RREB1: variants seen among roughly 807,000 people sequenced by gnomAD.
RREB1 encodes the protein ras responsive element binding protein 1, also known as ras-responsive element-binding protein 1.
Under a neutral mutation model 117.8 loss-of-function variants are expected in RREB1, and 27 were observed. The ratio of observed to expected loss-of-function variants is 0.23; its 90% CI spans 0.17 to 0.32. RREB1 has a LOEUF of 0.32. Ranked by LOEUF, RREB1 falls within the 10% of genes least tolerant of loss-of-function variation. The pLI, the probability that RREB1 is intolerant of heterozygous loss-of-function variation, is 1.00. For synonymous variants in RREB1, 1,298 were observed against 1,026.7 expected (o/e 1.26, Z -5.05); for missense variants, 2,577 against 2,378.2 (o/e 1.08, Z -1.74).
At chr6:7,141,231 G>C (rs1373467960) in intron 1 of RREB1, among the ~76,000 whole-genome samples, 1 of 152,132 alleles carries the variant, frequency 6.6e-6, no homozygotes, top group African/African-American at 2.4e-5. Context: ...GGGCTGGCGG[G>C]GGCCGGGCGG....
Position 7,247,047 on chromosome 6 carries a change from G to A in RREB1, c.4597G>A (p.Glu1533Lys), listed in dbSNP as rs1216910911. 4.3e-6 allele frequency: 7 copies of A among 1,613,196 alleles called. No individual in the cohort carries two copies. Among genetic ancestry groups the A allele is most frequent in the African/African-American group, 1.3e-5 (1 of 74,910 alleles). ...AEETEGPSDG[E>K]SAAEKRSSEK... ...GGAGACGGAGGGCCCCTCCGACGGG[G>A]AGAGCGCGGCCGAGAAAAGGTCCTC... Residue 1533 changes from glutamate (E) to lysine (K), a missense_variant, in exon 12 of 13, where the codon GAG becomes AAG. Coordinates refer to ENST00000379938, the MANE Select transcript of RREB1 (RefSeq NM_001003699.4).
intron 1 of RREB1, among the ~76,000 whole-genome samples, chr6:7,124,720 G>T (rs571395585): frequency 3.2e-4 from 49 of 152,174 alleles, no homozygotes; most frequent in Non-Finnish European, 6.5e-4. Context: ...AACATTTATT[G>T]AGCCTGTACT....
chr6:7,199,224 C>T (rs1297495343), intron 6 of RREB1, among the ~76,000 whole-genome samples: 1 of 152,170 alleles, frequency 6.6e-6, no homozygotes, highest in Non-Finnish European at 1.5e-5. Flanking sequence ...GGTCAAGAGC[C>T]TCAATTTCTT....
chr6:7,160,583 C>T (rs1473101001), intron 1 of RREB1, among the ~76,000 whole-genome samples: 1 of 152,164 alleles, frequency 6.6e-6, no homozygotes, highest in African/African-American at 2.4e-5. Context: ...GATCACCGCT[C>T]ACTGCAGCCT....
At chr6:7,149,968 C>T (rs551220067) in intron 1 of RREB1, among the ~76,000 whole-genome samples, 17 of 150,340 alleles carry the variant, frequency 1.1e-4, no homozygotes, top group African/African-American at 4.1e-4. Context: ...GGATTATAGG[C>T]GTGGGCCACT....
intron 8 of RREB1, chr6:7,217,322 C>G (rs1581552854): frequency 6.6e-6 from 1 of 152,266 alleles, no homozygotes; most frequent in Admixed American, 6.5e-5. Context: ...CATTAAAACA[C>G]AATAATGAGG....
chr6:7,245,787 A>T (rs1266225355), intron 11 of RREB1, among the ~76,000 whole-genome samples: 1 of 152,106 alleles, frequency 6.6e-6, no homozygotes, highest in Non-Finnish European at 1.5e-5. Context: ...CCTTCCTTTG[A>T]AAGATTCCAC....
At chr6:7,176,064 A>C (rs1041021867) in intron 1 of RREB1, among the ~76,000 whole-genome samples, 5 of 152,104 alleles carry the variant, frequency 3.3e-5, no homozygotes, top group Admixed American at 2.0e-4. Flanking sequence ...CTACAGGCGC[A>C]TGCCACCACA....
chr6:7,144,479 CATG>C (rs1762770633), intron 1 of RREB1, among the ~76,000 whole-genome samples: 1 of 152,212 alleles, frequency 6.6e-6, no homozygotes, highest in African/African-American at 2.4e-5. Context: ...GCTCTTGAAA[CATG>C]GTCTTATCCA....
intron 8 of RREB1, chr6:7,215,576 G>A (rs187820235): frequency 6.6e-6 from 1 of 152,368 alleles, no homozygotes. Context: ...CTGGGCTCAA[G>A]TGATCTGCCC....
At chr6:7,110,479 G>GGTGTGTGT (rs111267508) in intron 1 of RREB1, among the ~76,000 whole-genome samples, 2,848 of 149,586 alleles carry the variant, frequency 0.019, 83 homozygotes, top group African/African-American at 0.064. Flanking sequence ...TTTTAGGGGT[G>GGTGTGTGT]GTGTGTGTGT....
chr6:7,210,943 A>G lies in RREB1; in HGVS notation c.565A>G (p.Lys189Glu), dbSNP rs777171353. Residue 189 changes from lysine (K) to glutamate (E), a missense_variant, in exon 7 of 13, where the codon AAA (lysine) becomes GAA (glutamate). Transcript: ENST00000379938. ...AGAGAGAGAAGACCCAGCACCAGCTAAAAAGGTCCTCTTGGCTCCCAGTGC... is the reference window on the plus strand; with the variant it reads ...AGAGAGAGAAGACCCAGCACCAGCTGAAAAGGTCCTCTTGGCTCCCAGTGC... The part of the protein sequence containing the change: ...ESEREDPAPA[K>E]KMVEDGQSGD... The G allele has an allele frequency of 6.2e-7, 1 of 1,612,822 alleles. No individual in the cohort carries two copies. Among genetic ancestry groups the G allele is most frequent in the Admixed American group, 1.7e-5 (1 of 59,708 alleles).
chr6:7,127,668 G>T (rs978260090), intron 1 of RREB1, among the ~76,000 whole-genome samples: 10 of 152,180 alleles, frequency 6.6e-5, no homozygotes, highest in Non-Finnish European at 1.5e-4. Flanking sequence ...CTGCAGGGTG[G>T]GATAGGTGTG....
chr6:7,224,001 G>GGT (rs1767439128), intron 8 of RREB1, among the ~76,000 whole-genome samples: 1 of 151,774 alleles, frequency 6.6e-6, no homozygotes, highest in Non-Finnish European at 1.5e-5. Flanking sequence ...AACTTATGTT[G>GGT]GAAAGGCTTA....
rs769320647 is a variant in RREB1, at chr6:7,210,773, A to T, written c.426-31A>T. The T allele has an allele frequency of 1.9e-6, 3 of 1,576,800 alleles. No homozygotes were observed. In the Admixed American group the frequency reaches 5.7e-5, roughly 30 times the overall value. The stretch of plus-strand genomic sequence containing the variant: ...ATAAATGAACTGACTTCTTTGTTAG[A>T]TCACATTGTGTGTGTGTTTGTTCTT... On this transcript the variant is annotated intron_variant, in intron 6 of 12. Coordinates refer to ENST00000379938, the MANE Select transcript of RREB1 (RefSeq NM_001003699.4).
intron 6 of RREB1, 52 bp downstream of exon 6, chr6:7,189,374 C>G (rs989548186): frequency 6.7e-7 from 1 of 1,497,820 alleles, no homozygotes; most frequent in African/African-American, 1.4e-5. Flanking sequence ...TGGAGGTTGG[C>G]AGGCAGGACA....
At chr6:7,237,498 G>A (rs1403304324) in intron 10 of RREB1, among the ~76,000 whole-genome samples, 2 of 152,274 alleles carry the variant, frequency 1.3e-5, no homozygotes, top group South Asian at 2.1e-4. Flanking sequence ...AAAGTGCTGG[G>A]ATTATAGGCA....
intron 4 of RREB1, among the ~76,000 whole-genome samples, chr6:7,186,659 G>C (rs538583028): frequency 6.6e-6 from 1 of 152,182 alleles, no homozygotes; most frequent in Non-Finnish European, 1.5e-5. Context: ...TGTAGCATAG[G>C]GTTAGTGAAC....
chr6:7,195,466 G>T (rs1765619995), intron 6 of RREB1, among the ~76,000 whole-genome samples: 1 of 152,182 alleles, frequency 6.6e-6, no homozygotes, highest in Non-Finnish European at 1.5e-5. Context: ...AGTGAGCTGT[G>T]ATCTCTCCCA....
Sources: allele counts gnomAD v4.1 joint callset (sites outside exome capture counted in the v4.1 genomes callset), GRCh38; gene constraint gnomAD v4.1.1; transcripts MANE v1.5; gene names NCBI Gene and HGNC (gene_info 2026-07-23, HGNC 2026-07-21).